DPH5: variants seen among roughly 807,000 people sequenced by gnomAD.
DPH5 encodes diphthine methyl ester synthase.
In DPH5, 31 loss-of-function variants were observed where a neutral mutation model predicts 31.6. The ratio of observed to expected loss-of-function variants is 0.98; its 90% confidence interval spans 0.74 to 1.32. The LOEUF (loss-of-function observed/expected upper bound fraction) is 1.32. Ranked by LOEUF, DPH5 falls within the 40% of genes most tolerant of loss-of-function variation. The pLI, the probability that DPH5 is intolerant of heterozygous loss-of-function variation, is 0.00. For synonymous variants in DPH5, 120 were observed against 115.0 expected, an observed-to-expected ratio of 1.04 and a Z score of -0.28; for missense variants, 309 against 335.7, an observed-to-expected ratio of 0.92 and a Z score of 0.62.
chr1:101,017,964 T>A (rs998653166), intron 3 of DPH5, among the ~76,000 whole-genome samples: 3 of 152,212 alleles, frequency 2.0e-5, no homozygotes, highest in African/African-American at 7.2e-5. Context: ...GGCTCAAAAT[T>A]ACATCTCTAT....
At chr1:101,021,247 C>T (rs901514467) in intron 3 of DPH5, among the ~76,000 whole-genome samples, 1 of 151,950 alleles carries the variant, frequency 6.6e-6, no homozygotes, top group African/African-American at 2.4e-5. Context: ...GGAAAAAAAA[C>T]CTAGGACAAA....
chr1:101,002,229 C>T (rs1658923600), intron 4 of DPH5, among the ~76,000 whole-genome samples: 5 of 152,162 alleles, frequency 3.3e-5, no homozygotes. Context: ...CACAAGTGGC[C>T]CACCCAGGTT....
intron 4 of DPH5, among the ~76,000 whole-genome samples, chr1:101,006,126 A>C (rs1466133168): frequency 6.6e-6 from 1 of 152,228 alleles, no homozygotes. Flanking sequence ...GATTCAATTA[A>C]ACTCCACAGT....
chr1:100,996,266 C>T (rs1658339460), intron 5 of DPH5: 1 of 151,908 alleles, frequency 6.6e-6, no homozygotes, highest in South Asian at 2.1e-4. Flanking sequence ...AATTTTAACC[C>T]GTTTATTAAT....
intron 4 of DPH5, among the ~76,000 whole-genome samples, chr1:101,007,656 A>G (rs1659327849): frequency 6.6e-6 from 1 of 152,014 alleles, no homozygotes; most frequent in Admixed American, 6.6e-5. Flanking sequence ...TGGAGCTTGC[A>G]GTGAGCTGAG....
intron 7 of DPH5, 131 bp downstream of exon 7, chr1:100,992,506 A>C: frequency 1.7e-6 from 1 of 591,116 alleles, no homozygotes; most frequent in Non-Finnish European, 2.7e-6. Context: ...GTTGGACAAA[A>C]ATGACAAGAA....
At chr1:101,022,354 T>G (rs1660516155) in intron 2 of DPH5, among the ~76,000 whole-genome samples, 2 of 152,188 alleles carry the variant, frequency 1.3e-5, no homozygotes. Context: ...AAAGGCAGAG[T>G]TGCAGGAGCA....
At chr1:100,992,597 CAG>C (rs1310916431) in intron 7 of DPH5, 38 bp downstream of exon 7, 1 of 1,427,318 alleles carries the variant, frequency 7.0e-7, no homozygotes, top group Non-Finnish European at 9.9e-7. Flanking sequence ...AATGTAGTAA[CAG>C]AGGAATAATA....
intron 5 of DPH5, among the ~76,000 whole-genome samples, chr1:100,999,340 C>A (rs1478302586): frequency 6.6e-6 from 1 of 151,976 alleles, no homozygotes; most frequent in Non-Finnish European, 1.5e-5. Flanking sequence ...GTTCCAGCTA[C>A]CTAGAAGGCT....
At chr1:101,005,932 A>G (rs566557803) in intron 4 of DPH5, among the ~76,000 whole-genome samples, 4 of 151,712 alleles carry the variant, frequency 2.6e-5, no homozygotes, top group East Asian at 3.9e-4. Context: ...TGAGGGGGGG[A>G]GCAGTTACCT....
chr1:101,013,307 A>G (rs755203158), intron 4 of DPH5, among the ~76,000 whole-genome samples: 7 of 152,230 alleles, frequency 4.6e-5, no homozygotes, highest in African/African-American at 1.2e-4. Context: ...TTAAAAGCCC[A>G]TATCACTGGC....
chr1:100,995,913 G>C (rs1420340151), intron 5 of DPH5: 1 of 152,166 alleles, frequency 6.6e-6, no homozygotes, highest in African/African-American at 2.4e-5. Flanking sequence ...TTCAGCCAAA[G>C]TTTGTTTTTG....
At chr1:100,995,036 G>T in intron 6 of DPH5, 74 bp downstream of exon 6, 1 of 1,056,212 alleles carries the variant, frequency 9.5e-7, no homozygotes, top group Non-Finnish European at 1.4e-6. Flanking sequence ...TAGAACTCAG[G>T]TCATTTAAGT....
rs188753437 is a variant in DPH5 at position 101,013,213 on chromosome 1, T to C, written c.369+497A>G. 1.2e-3 allele frequency among the ~76,000 whole-genome samples: 179 copies of C among 152,272 alleles called. 1 individual carries two copies. The highest frequency in any genetic ancestry group is 4.2e-3 in the African/African-American group (174 of 41,560). ...GCTAAGAAGTAAATCTTGGAAACAA[T>C]TGTGGGGCACTCTAACCCCTCAGAA... On this transcript the variant is annotated intron_variant, in intron 4 of 7. Transcript: ENST00000370109.
intron 4 of DPH5, among the ~76,000 whole-genome samples, chr1:101,008,247 A>C (rs1223986500): frequency 6.6e-6 from 1 of 152,162 alleles, no homozygotes; most frequent in African/African-American, 2.4e-5. Context: ...ACATCAATAG[A>C]GTTAAAGATA....
chr1:101,003,844 G>A (rs933812828), intron 4 of DPH5, among the ~76,000 whole-genome samples: 14 of 151,976 alleles, frequency 9.2e-5, no homozygotes, highest in Non-Finnish European at 1.8e-4. Context: ...TTCTAAAAAG[G>A]ATTTTTCACA....
At chr1:100,993,141 C>CT (rs902010102) in intron 6 of DPH5, among the ~76,000 whole-genome samples, 18 of 152,222 alleles carry the variant, frequency 1.2e-4, no homozygotes, top group African/African-American at 3.4e-4. Flanking sequence ...ACTGTTTCCT[C>CT]TAAGAAAAGT....
At chr1:100,996,172 G>C (rs1348439780) in intron 5 of DPH5, 1 of 152,234 alleles carries the variant, frequency 6.6e-6, no homozygotes, top group South Asian at 2.1e-4. Context: ...ACGAATGCCT[G>C]TTATTAAGAA....
intron 4 of DPH5, among the ~76,000 whole-genome samples, chr1:101,005,177 G>A (rs1203742644): frequency 6.6e-6 from 1 of 151,856 alleles, no homozygotes; most frequent in African/African-American, 2.4e-5. Context: ...TTGTTATTTT[G>A]TATAACAAAT....
Sources: allele counts gnomAD v4.1 joint callset (sites outside exome capture counted in the v4.1 genomes callset), GRCh38; gene constraint gnomAD v4.1.1; transcripts MANE v1.5; gene names NCBI Gene and HGNC (gene_info 2026-07-23, HGNC 2026-07-21).